Variants in UBTD1 observed in about 807,000 individuals in gnomAD.
UBTD1 encodes the protein ubiquitin domain containing 1.
A neutral mutation model predicts 21.7 loss-of-function variants in UBTD1; 19 were observed. That is an observed-to-expected ratio of 0.87 (90% CI 0.61 to 1.28). UBTD1 has a LOEUF of 1.28. UBTD1 is among the 50% of genes most tolerant of loss of function. UBTD1 has a pLI of 0.00. For missense variants in UBTD1, 282 were observed against 315.1 expected, an observed-to-expected ratio of 0.89 and a Z score of 0.80; for synonymous variants, 116 against 135.1, an observed-to-expected ratio of 0.86 and a Z score of 0.98.
intron 1 of UBTD1, among the ~76,000 whole-genome samples, chr10:97,560,209 C>T (rs966757592): frequency 6.6e-6 from 1 of 151,974 alleles, no homozygotes; most frequent in African/African-American, 2.4e-5. Context: ...TAAATTCTGC[C>T]TCACCCTTTT....
chr10:97,504,088 C>T (rs1337012981), intron 1 of UBTD1, among the ~76,000 whole-genome samples: 3 of 152,054 alleles, frequency 2.0e-5, no homozygotes, highest in Non-Finnish European at 4.4e-5. Flanking sequence ...TGACTTCTCC[C>T]TTTCTCTCAC....
At chr10:97,567,246 A>AT (rs201245947) in intron 1 of UBTD1, among the ~76,000 whole-genome samples, 3,331 of 151,444 alleles carry the variant, frequency 0.022, 126 homozygotes, top group African/African-American at 0.074. Context: ...AATTTTTAAA[A>AT]TTTTTTTGTA....
rs553682428 is a variant in UBTD1 at position 97,569,020 on chromosome 10, TC to T, written c.298+881del. On this transcript the variant is annotated intron_variant, in intron 2 of 2. Transcript: ENST00000370664. ...GTATTTTTAGTAGAGACAGGGTTTC[TC>T]CATGTTGGTCAGGCTGGTCTCAAAC... Among the ~76,000 whole-genome samples, 291 of 152,138 alleles carry T rather than the reference TC, an allele frequency of 1.9e-3. 1 individual carries two copies. The highest frequency in any genetic ancestry group is 6.5e-3 in the African/African-American group (268 of 41,502).
At position 97,570,820 on chromosome 10, in the gene UBTD1, GC is replaced by G. The variant is rs1589887103; in HGVS notation, c.*300del. ...AAGGGCCAACCAGGAGGCCCCTGGAGCCCAGATCTGTCATCTGGTGCTGCCA... is the reference window on the plus strand; with the variant it reads ...AAGGGCCAACCAGGAGGCCCCTGGAGCCAGATCTGTCATCTGGTGCTGCCA... On this transcript the variant is annotated 3_prime_UTR_variant, in exon 3 of 3. Transcript: ENST00000370664. The surrounding 1 kb of genome is among the most constrained non-coding windows in gnomAD (Gnocchi z 6.6). The G allele has an allele frequency of 1.3e-5, 5 of 393,196 alleles. No individual in the cohort carries two copies. The highest frequency in any genetic ancestry group is 9.4e-6 in the Non-Finnish European group (2 of 213,864). 24.4% of individuals were successfully genotyped at this position (393,196 alleles called of 1,614,324 possible). A position where few individuals can be genotyped will look rare whatever the true frequency, so the allele number is the denominator to read the frequency against.
intron 1 of UBTD1, among the ~76,000 whole-genome samples, chr10:97,534,398 G>A (rs886163995): frequency 6.6e-6 from 1 of 152,146 alleles, no homozygotes; most frequent in African/African-American, 2.4e-5. Context: ...TTGATCCAAG[G>A]CAGCTAGAAA....
At chr10:97,547,163 T>C (rs1351840513) in intron 1 of UBTD1, among the ~76,000 whole-genome samples, 3 of 152,238 alleles carry the variant, frequency 2.0e-5, no homozygotes, top group African/African-American at 7.2e-5. Flanking sequence ...GAAGTCAGGC[T>C]GTGCCGTTCG....
chr10:97,533,333 G>C (rs764206304), intron 1 of UBTD1, among the ~76,000 whole-genome samples: 2 of 152,202 alleles, frequency 1.3e-5, no homozygotes, highest in African/African-American at 4.8e-5. Context: ...AAGGGAGGAC[G>C]TTTGGGCCAA....
Position 97,513,166 on chromosome 10 carries a change from C to A in UBTD1, c.70+13893C>A, listed in dbSNP as rs188454163. On this transcript the variant is annotated intron_variant, in intron 1 of 2. Coordinates refer to ENST00000370664, the MANE Select transcript of UBTD1 (RefSeq NM_024954.5). ...GGTGCTGGTATCCGATCCAGGAAAT[C>A]TGACTCCCTTTCCTGTGCCTTTTCT... Among the ~76,000 whole-genome samples, 21 of 152,334 alleles carry A rather than the reference C, an allele frequency of 1.4e-4. No homozygotes were observed. The East Asian group carries it at 2.5e-3, about 18-fold the overall frequency.
chr10:97,536,848 T>C (rs1462840587), intron 1 of UBTD1, among the ~76,000 whole-genome samples: 1 of 152,112 alleles, frequency 6.6e-6, no homozygotes, highest in East Asian at 1.9e-4. Context: ...GCTTGTCCAG[T>C]GGTGGAGTCA....
chr10:97,502,081 A>G (rs570984570), intron 1 of UBTD1, among the ~76,000 whole-genome samples: 5 of 152,200 alleles, frequency 3.3e-5, no homozygotes, highest in Non-Finnish European at 7.3e-5. Context: ...ACACACACAC[A>G]TTCAGCACTT....
At chr10:97,559,389 C>A (rs1251519854) in intron 1 of UBTD1, among the ~76,000 whole-genome samples, 2 of 152,214 alleles carry the variant, frequency 1.3e-5, no homozygotes, top group Non-Finnish European at 2.9e-5. Flanking sequence ...TCCATTTCAA[C>A]CAGGCATTTG....
chr10:97,547,499 T>C (rs2040616598), intron 1 of UBTD1, among the ~76,000 whole-genome samples: 1 of 152,210 alleles, frequency 6.6e-6, no homozygotes, highest in East Asian at 1.9e-4. Flanking sequence ...CTTGACCTCA[T>C]TTAACCCCTG....
rs114651770 is a variant in UBTD1, at chr10:97,523,523, G to A, written c.70+24250G>A. ...CAGAGCCCAACTCCTCCTGGTCTTT[G>A]CAGCCTGTCTGCAGGGCCTGTCTTC... On this transcript the variant is annotated intron_variant, in intron 1 of 2. Transcript: ENST00000370664. Among the ~76,000 whole-genome samples the A allele has an allele frequency of 9.0e-3, 1,373 of 152,186 alleles. 20 individuals are homozygous for A. Among genetic ancestry groups the A allele is most frequent in the African/African-American group, 0.031 (1,298 of 41,498 alleles).
rs775330685 is a variant in UBTD1, at chr10:97,570,453, A to G, written c.614A>G (p.Gln205Arg). 7 of 1,612,896 alleles carry G rather than the reference A, an allele frequency of 4.3e-6. No individual in the cohort carries two copies. The highest frequency in any genetic ancestry group is 5.1e-6 in the Non-Finnish European group (6 of 1,179,708). Reference protein sequence around the residue: ...GKLLTDRTRLQETKIQKDFVI... With the variant: ...GKLLTDRTRLRETKIQKDFVI... ...CTGCTCACAGACCGCACACGGCTCC[A>G]GGAGACCAAGATCCAGAAAGATTTT... Residue 205 changes from glutamine to arginine, a missense_variant, in exon 3 of 3, where the codon CAG (glutamine) becomes CGG (arginine). Gln to Arg is a conservative substitution (Grantham distance 43). Coordinates refer to ENST00000370664, the MANE Select transcript of UBTD1 (RefSeq NM_024954.5). This position sits in a 1 kb window ranked among gnomAD's most constrained non-coding sequence, Gnocchi z 6.6.
At chr10:97,533,569 C>T (rs1039455817) in intron 1 of UBTD1, among the ~76,000 whole-genome samples, 3 of 152,140 alleles carry the variant, frequency 2.0e-5, no homozygotes, top group African/African-American at 7.2e-5. Context: ...CCTCCCTCTT[C>T]GCAGCATCCC....
At position 97,505,378 on chromosome 10, in the gene UBTD1, G is replaced by A. The variant is rs146546267; in HGVS notation, c.70+6105G>A. ...GAGGTCAAGATATTATAGGGAAGTGGTTGAGGTCAAGTGTATTCAAAGGAG... is the reference window on the plus strand; with the variant it reads ...GAGGTCAAGATATTATAGGGAAGTGATTGAGGTCAAGTGTATTCAAAGGAG... On this transcript the variant is annotated intron_variant, in intron 1 of 2. Transcript: ENST00000370664. Among the ~76,000 whole-genome samples the A allele has an allele frequency of 3.9e-4, 60 of 152,320 alleles. 2 individuals are homozygous for A. In the East Asian group the frequency reaches 0.011, roughly 28 times the overall value.
chr10:97,566,269 A>AT (rs11288150), intron 1 of UBTD1, among the ~76,000 whole-genome samples: 7 of 144,788 alleles, frequency 4.8e-5, no homozygotes, highest in South Asian at 2.2e-4. Flanking sequence ...GCATATTGAG[A>AT]TTTTTTTTTT....
At chr10:97,525,625 C>T (rs1298641792) in intron 1 of UBTD1, among the ~76,000 whole-genome samples, 1 of 152,190 alleles carries the variant, frequency 6.6e-6, no homozygotes, top group Non-Finnish European at 1.5e-5. Context: ...CCACTGGCCT[C>T]TGCACCCATC....
chr10:97,539,581 A>G (rs1283220594), intron 1 of UBTD1, among the ~76,000 whole-genome samples: 2 of 151,744 alleles, frequency 1.3e-5, no homozygotes, highest in Non-Finnish European at 2.9e-5. Flanking sequence ...GGTGACAGAG[A>G]GAGGCCCCAT....
Sources: gnomAD v4.1 joint callset for allele counts (sites outside exome capture counted in the v4.1 genomes callset) on GRCh38, gnomAD v4.1.1 for gene constraint, Gnocchi (gnomAD v3.1) non-coding constraint, MANE v1.5 for transcripts, NCBI Gene and HGNC (gene_info 2026-07-23, HGNC 2026-07-21) for gene names.